The following LYRM9 variants were observed in gnomAD, a reference collection of about 807,000 sequenced individuals.
The protein encoded by LYRM9 is LYR motif containing 9.
Under a neutral mutation model 12.6 loss-of-function variants are expected in LYRM9, and 14 were observed. That is an observed-to-expected ratio of 1.11 (90% CI 0.73 to 1.73). LYRM9 has a LOEUF of 1.73. Ranked by LOEUF, LYRM9 falls within the 40% of genes most tolerant of loss-of-function variation. LYRM9 has a pLI of 0.00. For synonymous variants in LYRM9, 42 were observed against 35.1 expected (o/e 1.20, Z -0.69); for missense variants, 94 against 95.0 (o/e 0.99, Z 0.04).
intron 2 of LYRM9, chr17:27,880,663 G>A: frequency 2.2e-6 from 1 of 457,266 alleles, no homozygotes. Context: ...AGGCCCAAAG[G>A]CTATCAGGCA....
At chr17:27,882,120 A>G (rs571758427) in intron 2 of LYRM9, among the ~76,000 whole-genome samples, 14 of 152,144 alleles carry the variant, frequency 9.2e-5, no homozygotes, top group African/African-American at 3.4e-4. Context: ...TAGTCACCAT[A>G]TCTCTTGAGT....
At chr17:27,890,106 G>A (rs1174705065) in intron 1 of LYRM9, among the ~76,000 whole-genome samples, 1 of 152,224 alleles carries the variant, frequency 6.6e-6, no homozygotes, top group South Asian at 2.1e-4. Context: ...TATAGAGCAA[G>A]GCCCGGAATA....
intron 2 of LYRM9, among the ~76,000 whole-genome samples, chr17:27,882,058 A>G (rs184325428): frequency 8.5e-5 from 13 of 152,274 alleles, no homozygotes; most frequent in African/African-American, 2.9e-4. Flanking sequence ...CCTGGTTCCC[A>G]ATAATATTCT....
At chr17:27,889,400 C>A (rs774441227) in intron 1 of LYRM9, among the ~76,000 whole-genome samples, 2 of 151,942 alleles carry the variant, frequency 1.3e-5, no homozygotes, top group Non-Finnish European at 2.9e-5. Flanking sequence ...CTCTGCCTCC[C>A]GGGTTCAAGC....
chr17:27,879,542 G>A (rs1321334599), intron 3 of LYRM9, 52 bp from the exon 4 acceptor site: 2 of 1,541,562 alleles, frequency 1.3e-6, no homozygotes, highest in East Asian at 2.5e-5. Context: ...AGGGGCAGGA[G>A]GACTCTGGAG....
chr17:27,883,803 A>C (rs866492032), intron 1 of LYRM9, among the ~76,000 whole-genome samples: 130 of 130,894 alleles, frequency 9.9e-4, no homozygotes, highest in African/African-American at 3.5e-3. Context: ...CTTGGATTTG[A>C]ACTCTGGCAG....
intron 3 of LYRM9, chr17:27,879,769 A>G: frequency 1.8e-6 from 1 of 542,990 alleles, no homozygotes; most frequent in Non-Finnish European, 3.3e-6. Flanking sequence ...AGGTATGGTC[A>G]CACTCCAACT....
chr17:27,887,943 G>C (rs1331421799), intron 1 of LYRM9, among the ~76,000 whole-genome samples: 1 of 152,170 alleles, frequency 6.6e-6, no homozygotes, highest in South Asian at 2.1e-4. Flanking sequence ...CTCAGGGGAG[G>C]CTTAGACTTT....
chr17:27,879,647 T>G, intron 3 of LYRM9, 157 bp from the exon 4 acceptor site: 1 of 674,448 alleles, frequency 1.5e-6, no homozygotes, highest in Non-Finnish European at 2.5e-6. Context: ...GGCAGCCAAA[T>G]CTCTAGTTCA....
intron 1 of LYRM9, among the ~76,000 whole-genome samples, chr17:27,884,470 C>T (rs946492299): frequency 6.6e-6 from 1 of 152,240 alleles, no homozygotes; most frequent in African/African-American, 2.4e-5. Context: ...ACATGCAGCT[C>T]CCTGGCCGTG....
At chr17:27,887,709 GGAGGGT>G (rs1597594534) in intron 1 of LYRM9, among the ~76,000 whole-genome samples, 1 of 127,004 alleles carries the variant, frequency 7.9e-6, no homozygotes, top group East Asian at 2.2e-4. Flanking sequence ...CCTATAGGAG[GGAGGGT>G]GTGTGTGTGT....
chr17:27,884,554 G>A (rs574627846), intron 1 of LYRM9, among the ~76,000 whole-genome samples: 24 of 152,296 alleles, frequency 1.6e-4, no homozygotes, highest in African/African-American at 5.5e-4. Context: ...CTTCCTCCAG[G>A]AAGCCCTTCC....
intron 2 of LYRM9, chr17:27,880,663 G>C (rs1193841644): frequency 2.2e-6 from 1 of 457,146 alleles, no homozygotes; most frequent in Non-Finnish European, 3.9e-6. Flanking sequence ...AGGCCCAAAG[G>C]CTATCAGGCA....
chr17:27,881,619 A>C (rs931019926), intron 2 of LYRM9, among the ~76,000 whole-genome samples: 5 of 152,118 alleles, frequency 3.3e-5, no homozygotes, highest in African/African-American at 1.2e-4. Flanking sequence ...AGTATGTATA[A>C]ATTTTTTCAG....
intron 1 of LYRM9, among the ~76,000 whole-genome samples, chr17:27,885,719 A>G (rs1905210416): frequency 6.6e-6 from 1 of 151,572 alleles, no homozygotes; most frequent in Non-Finnish European, 1.5e-5. Context: ...AAAAAAAAAA[A>G]AAAAAAAAGA....
chr17:27,892,129 T>C (rs1905476612), intron 1 of LYRM9: 1 of 179,264 alleles, frequency 5.6e-6, no homozygotes, highest in Non-Finnish European at 1.2e-5. Context: ...GAAGTCTTAC[T>C]ATGTTGCCCA....
rs964807276 is a variant in LYRM9, at chr17:27,886,732, G to A, written c.-18-4020C>T. Among the ~76,000 whole-genome samples the A allele has an allele frequency of 6.7e-6, 1 of 150,366 alleles. No homozygotes were observed. Among genetic ancestry groups the A allele is most frequent in the Non-Finnish European group, 1.5e-5 (1 of 67,866 alleles). On this transcript the variant is annotated intron_variant, in intron 1 of 3. Transcript: ENST00000379102. The surrounding 1 kb of genome is among the most constrained non-coding windows in gnomAD (Gnocchi z 4.8). ...TGGCGCAATCTCGACCGCAACCTCCGCCTCCTGGGTTTAAGCAATTCTCCT... is the reference window on the plus strand; with the variant it reads ...TGGCGCAATCTCGACCGCAACCTCCACCTCCTGGGTTTAAGCAATTCTCCT...
At chr17:27,887,711 A>AGGGT (rs1555545994) in intron 1 of LYRM9, among the ~76,000 whole-genome samples, 1 of 100,920 alleles carries the variant, frequency 9.9e-6, no homozygotes, top group Non-Finnish European at 2.2e-5. Context: ...TATAGGAGGG[A>AGGGT]GGGTGTGTGT....
At chr17:27,892,237 T>C in intron 1 of LYRM9, 1 of 350,298 alleles carries the variant, frequency 2.9e-6, no homozygotes, top group Middle Eastern at 6.9e-4. Context: ...GCGTTGAACA[T>C]CTTACCCTTT....
Sources: gnomAD v4.1 joint callset for allele counts (sites outside exome capture counted in the v4.1 genomes callset) on GRCh38, gnomAD v4.1.1 for gene constraint, Gnocchi (gnomAD v3.1) non-coding constraint, MANE v1.5 for transcripts, NCBI Gene and HGNC (gene_info 2026-07-23, HGNC 2026-07-21) for gene names.